CMC1: variants seen among roughly 807,000 people sequenced by gnomAD.
CMC1 encodes COX assembly mitochondrial protein homolog.
In CMC1, 14 loss-of-function variants were observed where a neutral mutation model predicts 14.1. The ratio of observed to expected loss-of-function variants is 0.99; its 90% CI spans 0.66 to 1.55. The LOEUF is 1.55. Among genes scored for constraint, CMC1 ranks in the 40% most tolerant of loss-of-function variants. The pLI, the probability that CMC1 is intolerant of heterozygous loss-of-function variation, is 0.00. For missense variants in CMC1, 127 were observed against 123.8 expected (o/e 1.03, Z -0.12); for synonymous variants, 50 against 38.4 (o/e 1.30, Z -1.12).
At chr3:28,280,930 C>T (rs1244187300) in intron 2 of CMC1, among the ~76,000 whole-genome samples, 1 of 152,222 alleles carries the variant, frequency 6.6e-6, no homozygotes, top group Non-Finnish European at 1.5e-5. Flanking sequence ...TTTTGGAACA[C>T]AGCCATGCTC....
intron 2 of CMC1, among the ~76,000 whole-genome samples, chr3:28,301,029 T>C (rs1702018578): frequency 6.6e-6 from 1 of 151,546 alleles, no homozygotes; most frequent in Non-Finnish European, 1.5e-5. Flanking sequence ...GTGCTATTTT[T>C]TTTAGTGGCT....
intron 1 of CMC1, among the ~76,000 whole-genome samples, chr3:28,244,722 T>A (rs1490384043): frequency 1.3e-5 from 2 of 149,286 alleles, no homozygotes; most frequent in African/African-American, 2.5e-5. Flanking sequence ...TGAGACTTCG[T>A]CTCAAAAAAA....
intron 2 of CMC1, chr3:28,294,427 A>T (rs1382534955): frequency 3.1e-5 from 28 of 910,480 alleles, no homozygotes; most frequent in Non-Finnish European, 3.7e-5. Context: ...TCTCTTTTAC[A>T]ATACAGGACA....
At position 28,241,807 on chromosome 3, in the gene CMC1, C is replaced by G; in HGVS notation, c.14C>G (p.Pro5Arg). 1 of 1,239,788 alleles carries G rather than the reference C, an allele frequency of 8.1e-7. No homozygotes were observed. Among genetic ancestry groups the G allele is most frequent in the South Asian group, 4.1e-5 (1 of 24,398 alleles). 76.8% of individuals were successfully genotyped at this position (1,239,788 alleles called of 1,614,324 possible). Residue 5 changes from proline (P) to arginine (R), a missense_variant, in exon 1 of 4, where the codon CCC becomes CGC. Physicochemically the swap from Pro to Arg is moderately radical, Grantham distance 103. Transcript: ENST00000466830. MALD[P>R]ADQHLRHVEK... ...CGGCCCGCCGAGATGGCGCTCGACC[C>G]CGCAGGTACCGGGGCGGGAAGCGGG... is the stretch of plus-strand genomic sequence containing the variant.
intron 2 of CMC1, among the ~76,000 whole-genome samples, chr3:28,280,273 G>T (rs1196273772): frequency 6.6e-6 from 1 of 151,982 alleles, no homozygotes; most frequent in Non-Finnish European, 1.5e-5. Flanking sequence ...GATTGAAAAA[G>T]GATATTAAAG....
At chr3:28,302,776 C>CT (rs1307158568) in intron 2 of CMC1, among the ~76,000 whole-genome samples, 1 of 152,140 alleles carries the variant, frequency 6.6e-6, no homozygotes, top group Admixed American at 6.5e-5. Flanking sequence ...CTACCTTATT[C>CT]TTTCCTGTGG....
At chr3:28,276,156 C>G (rs181615704) in intron 2 of CMC1, among the ~76,000 whole-genome samples, 1 of 152,216 alleles carries the variant, frequency 6.6e-6, no homozygotes, top group East Asian at 1.9e-4. Flanking sequence ...ACCTCAATTC[C>G]CAGTGCAGGA....
At chr3:28,301,801 G>C (rs568928806) in intron 2 of CMC1, among the ~76,000 whole-genome samples, 4 of 152,094 alleles carry the variant, frequency 2.6e-5, no homozygotes, top group Non-Finnish European at 5.9e-5. Context: ...GCCAGGAGAA[G>C]AGAAAAAAAT....
chr3:28,316,615 C>G (rs936321365), intron 3 of CMC1, 192 bp downstream of exon 3: 34 of 383,434 alleles, frequency 8.9e-5, no homozygotes, highest in African/African-American at 6.5e-4. Flanking sequence ...CAAATTTTCT[C>G]AGCATTGTAT....
At chr3:28,300,035 A>G (rs188635095) in intron 2 of CMC1, among the ~76,000 whole-genome samples, 50 of 152,292 alleles carry the variant, frequency 3.3e-4, no homozygotes, top group African/African-American at 1.2e-3. Flanking sequence ...TTAACTATGG[A>G]TACTATACTT....
chr3:28,318,892 A>G, intron 3 of CMC1: 1 of 186,216 alleles, frequency 5.4e-6, no homozygotes, highest in Non-Finnish European at 1.1e-5. Flanking sequence ...GAGGTGCTCT[A>G]TTAATTGTGC....
At chr3:28,282,185 C>T (rs1322369890) in intron 2 of CMC1, among the ~76,000 whole-genome samples, 1 of 152,066 alleles carries the variant, frequency 6.6e-6, no homozygotes, top group Non-Finnish European at 1.5e-5. Flanking sequence ...AGACAAATTA[C>T]AAGTTTACTT....
At chr3:28,255,450 T>C (rs1226316919) in intron 1 of CMC1, among the ~76,000 whole-genome samples, 5 of 151,950 alleles carry the variant, frequency 3.3e-5, no homozygotes, top group African/African-American at 1.2e-4. Context: ...TTCATCATAT[T>C]GGCCAGGCTG....
At chr3:28,304,946 A>G (rs1702232578) in intron 2 of CMC1, among the ~76,000 whole-genome samples, 1 of 151,938 alleles carries the variant, frequency 6.6e-6, no homozygotes, top group South Asian at 2.1e-4. Context: ...TTTTCTTTTT[A>G]CTTTAGATTT....
chr3:28,252,876 G>A (rs923040336), intron 1 of CMC1, among the ~76,000 whole-genome samples: 3 of 152,216 alleles, frequency 2.0e-5, no homozygotes, highest in Non-Finnish European at 2.9e-5. Context: ...TATGAAGACT[G>A]TATGTATTCA....
At chr3:28,270,802 C>T (rs147085818) in intron 2 of CMC1, among the ~76,000 whole-genome samples, 1 of 151,714 alleles carries the variant, frequency 6.6e-6, no homozygotes, top group African/African-American at 2.4e-5. Flanking sequence ...TTGGTTTTGG[C>T]ATTTTCGTCA....
At chr3:28,295,290 C>T (rs1403590844) in intron 2 of CMC1, among the ~76,000 whole-genome samples, 4 of 152,026 alleles carry the variant, frequency 2.6e-5, no homozygotes, top group African/African-American at 9.7e-5. Context: ...GCTACCTTAC[C>T]CATGTTGTGT....
At chr3:28,243,640 G>A (rs1273934605) in intron 1 of CMC1, among the ~76,000 whole-genome samples, 1 of 152,180 alleles carries the variant, frequency 6.6e-6, no homozygotes, top group Non-Finnish European at 1.5e-5. Flanking sequence ...CAGTGCTGTA[G>A]ACCATGCCAC....
intron 1 of CMC1, among the ~76,000 whole-genome samples, chr3:28,261,499 A>G (rs527559878): frequency 6.6e-6 from 1 of 152,270 alleles, no homozygotes; most frequent in South Asian, 2.1e-4. Context: ...AAAAGAAGTA[A>G]TTTTGGAAGT....
Sources: gnomAD v4.1 joint callset for allele counts (sites outside exome capture counted in the v4.1 genomes callset) on GRCh38, gnomAD v4.1.1 for gene constraint, MANE v1.5 for transcripts, NCBI Gene and HGNC (gene_info 2026-07-23, HGNC 2026-07-21) for gene names.